Variants in RNF214 observed in about 807,000 individuals in gnomAD.
The protein encoded by RNF214 is ring finger protein 214.
RNF214 carries 25 observed loss-of-function variants against 75.9 expected under a neutral mutation model. The observed-to-expected ratio is 0.33, with a 90% confidence interval of 0.24 to 0.46. The LOEUF is 0.46. Among genes scored for constraint, RNF214 ranks in the 20% least tolerant of loss-of-function variants. RNF214 has a pLI of 1.00. For synonymous variants in RNF214, 314 were observed against 308.8 expected (o/e 1.02, Z -0.18); for missense variants, 725 against 857.5 (o/e 0.85, Z 1.93).
chr11:117,253,612 C>T (rs1274712682), intron 6 of RNF214, among the ~76,000 whole-genome samples: 4 of 149,884 alleles, frequency 2.7e-5, no homozygotes, highest in African/African-American at 7.4e-5. Flanking sequence ...GAGGCCAAGG[C>T]GGGAGGATTG....
Position 117,238,606 on chromosome 11 carries a change from A to C in RNF214, c.113A>C (p.Lys38Thr). The part of the protein sequence containing the change: ...DEGLPDGLST[K>T]DSAQKQKNSP... ...TTATCTTGTGTGTTTGATAGCACCA[A>C]AGACTCTGCACAGAAGCAGAAGAAC... Residue 38 changes from lysine to threonine, a missense_variant, in exon 3 of 15, where the codon AAA becomes ACA. This residue lies in a region of RNF214 where 362 missense variants were observed against 344.5 expected (regional missense o/e 1.05). Transcript: ENST00000300650. 3.1e-6 allele frequency: 5 copies of C among 1,610,264 alleles called. No individual in the cohort carries two copies. The highest frequency in any genetic ancestry group is 3.4e-6 in the Non-Finnish European group (4 of 1,177,674).
At chr11:117,251,548 C>G (rs1193434243) in intron 6 of RNF214, among the ~76,000 whole-genome samples, 33 of 125,888 alleles carry the variant, frequency 2.6e-4, no homozygotes, top group South Asian at 5.9e-4. Context: ...ACCTCCCTCC[C>G]GGACGGGGCG....
intron 6 of RNF214, among the ~76,000 whole-genome samples, chr11:117,271,065 A>G (rs931716162): frequency 1.3e-5 from 2 of 151,676 alleles, no homozygotes; most frequent in African/African-American, 2.4e-5. Context: ...ACGCTTGGCT[A>G]ATTTTTGTAT....
At chr11:117,251,524 G>T (rs2033392008) in intron 6 of RNF214, among the ~76,000 whole-genome samples, 1 of 110,622 alleles carries the variant, frequency 9.0e-6, no homozygotes, top group Non-Finnish European at 1.9e-5. Context: ...GCCGGGCGGG[G>T]GGCTGACCCC....
intron 6 of RNF214, among the ~76,000 whole-genome samples, chr11:117,252,459 C>T (rs1381597610): frequency 2.0e-5 from 3 of 152,096 alleles, no homozygotes; most frequent in African/African-American, 7.2e-5. Context: ...CTGTCTTATA[C>T]GTTTTAACTT....
intron 4 of RNF214, among the ~76,000 whole-genome samples, chr11:117,244,059 G>GT (rs1278555017): frequency 3.9e-5 from 6 of 152,186 alleles, no homozygotes; most frequent in Non-Finnish European, 8.8e-5. Flanking sequence ...TCAGCTCACT[G>GT]TAACCTCTGC....
chr11:117,274,356 C>T (rs977745531), intron 6 of RNF214, among the ~76,000 whole-genome samples: 30 of 79,484 alleles, frequency 3.8e-4, no homozygotes, highest in African/African-American at 5.3e-4. Context: ...CAAATGACTT[C>T]TTTTTTTTTT....
In RNF214 at chr11:117,282,046, C is replaced by G; in HGVS notation, c.1488C>G (p.Pro496=). The G allele has an allele frequency of 1.2e-6, 2 of 1,614,036 alleles. No individual in the cohort carries two copies. Among genetic ancestry groups the G allele is most frequent in the African/African-American group, 2.7e-5 (2 of 74,984 alleles). The change falls in exon 11 of 15, where the codon CCC becomes CCG. Residue 496 remains proline, a synonymous_variant. Transcript: ENST00000300650. ...TCCTGAACCCTGCCCTTTCCCAGCC[C>G]AGCCAGCCTTCCTCACCCCTTCCTG... ...FPILNPALSQ[P]SQPSSPLPGS...
chr11:117,282,419 C>T lies in RNF214; in HGVS notation c.1728C>T (p.Asn576=), dbSNP rs35360699. ...TTTTCCTCAGGGCCCAGATGACCAA[C>T]ATTCTTCAGCAGATCAAGACAGCAC... ...FPQCNKAQMT[N]ILQQIKTART... The change falls in exon 12 of 15, where the codon AAC becomes AAT. Residue 576 remains asparagine (N), a synonymous_variant. Coordinates refer to ENST00000300650, the MANE Select transcript of RNF214 (RefSeq NM_207343.4). 7 of 1,613,872 alleles carry T rather than the reference C, an allele frequency of 4.3e-6. No homozygotes were observed. In the African/African-American group the frequency reaches 6.7e-5, roughly 15 times the overall value.
chr11:117,264,626 C>G (rs1166059692), intron 6 of RNF214, among the ~76,000 whole-genome samples: 9 of 152,108 alleles, frequency 5.9e-5, no homozygotes, highest in Admixed American at 5.9e-4. Context: ...CCCTCTTTAT[C>G]TTAGTCATAC....
chr11:117,270,557 C>G (rs1041312493), intron 6 of RNF214, among the ~76,000 whole-genome samples: 5 of 151,370 alleles, frequency 3.3e-5, no homozygotes, highest in African/African-American at 9.7e-5. Flanking sequence ...CTTAGCCCCC[C>G]ACTCCCCCAC....
At chr11:117,274,603 A>G (rs947087101) in intron 6 of RNF214, among the ~76,000 whole-genome samples, 1 of 150,144 alleles carries the variant, frequency 6.7e-6, no homozygotes, top group African/African-American at 2.4e-5. Flanking sequence ...TCCTGACCTT[A>G]GGTTATCTGC....
intron 4 of RNF214, among the ~76,000 whole-genome samples, chr11:117,240,384 TAAAA>T (rs372718608): frequency 1.6e-4 from 10 of 61,720 alleles, no homozygotes; most frequent in Admixed American, 1.2e-3. Context: ...CAAAAAAAAT[TAAAA>T]AAAAAAAAAA....
chr11:117,242,336 G>A (rs1234706631), intron 4 of RNF214, among the ~76,000 whole-genome samples: 1 of 152,138 alleles, frequency 6.6e-6, no homozygotes, highest in East Asian at 1.9e-4. Flanking sequence ...GCAAGTTGAA[G>A]AAATTGAAGG....
At chr11:117,242,563 G>C (rs1250957799) in intron 4 of RNF214, among the ~76,000 whole-genome samples, 1 of 152,170 alleles carries the variant, frequency 6.6e-6, no homozygotes, top group Non-Finnish European at 1.5e-5. Flanking sequence ...CTTTTAAAAA[G>C]GCAGTGAGGC....
intron 4 of RNF214, among the ~76,000 whole-genome samples, chr11:117,244,013 G>A (rs542727790): frequency 9.9e-5 from 15 of 152,274 alleles, no homozygotes; most frequent in African/African-American, 3.4e-4. Context: ...ACAGAGTCTT[G>A]CTCTGTCGCC....
chr11:117,272,685 G>A (rs985499330), intron 6 of RNF214, among the ~76,000 whole-genome samples: 12 of 151,912 alleles, frequency 7.9e-5, no homozygotes, highest in African/African-American at 1.5e-4. Context: ...TTAGGAGGAG[G>A]AAGAACTCCA....
chr11:117,267,616 C>T (rs2033823525), intron 6 of RNF214, among the ~76,000 whole-genome samples: 1 of 151,902 alleles, frequency 6.6e-6, no homozygotes, highest in Admixed American at 6.6e-5. Context: ...GTGGTCCCAG[C>T]TACTTGGGAG....
At chr11:117,260,221 T>C (rs1053080971) in intron 6 of RNF214, among the ~76,000 whole-genome samples, 1 of 152,142 alleles carries the variant, frequency 6.6e-6, no homozygotes, top group African/African-American at 2.4e-5. Flanking sequence ...CTTGAACTCC[T>C]GGCCTCAAGC....
Sources: gnomAD v4.1 joint callset for allele counts (sites outside exome capture counted in the v4.1 genomes callset) on GRCh38, gnomAD v4.1.1 for gene constraint, gnomAD v4.1.1 regional missense constraint, MANE v1.5 for transcripts, NCBI Gene and HGNC (gene_info 2026-07-23, HGNC 2026-07-21) for gene names.